Variants in SLC22A23 observed in about 807,000 individuals in gnomAD.
SLC22A23 encodes ion transporter protein.
SLC22A23 carries 26 observed loss-of-function variants against 61.0 expected under a neutral mutation model. That is an observed-to-expected ratio of 0.43 (90% CI 0.31 to 0.59). SLC22A23 has a LOEUF of 0.59. Among genes scored for constraint, SLC22A23 ranks in the 20% least tolerant of loss-of-function variants. The pLI, the probability that SLC22A23 is intolerant of heterozygous loss-of-function variation, is 0.11. For synonymous variants in SLC22A23, 430 were observed against 413.9 expected, an observed-to-expected ratio of 1.04 and a Z score of -0.47; for missense variants, 796 against 934.7, an observed-to-expected ratio of 0.85 and a Z score of 1.94.
intron 1 of SLC22A23, among the ~76,000 whole-genome samples, chr6:3,451,532 T>C (rs1226128903): frequency 6.6e-6 from 1 of 152,204 alleles, no homozygotes; most frequent in Non-Finnish European, 1.5e-5. Flanking sequence ...TGCAAGTCCA[T>C]GGAGTCTTTG....
At chr6:3,409,413 A>G (rs1258451328) in intron 3 of SLC22A23, among the ~76,000 whole-genome samples, 1 of 152,242 alleles carries the variant, frequency 6.6e-6, no homozygotes, top group African/African-American at 2.4e-5. Flanking sequence ...TCACACTGGA[A>G]ATTGCTACTT....
rs1759999601 is a variant in SLC22A23 at position 3,286,307 on chromosome 6, T to C, written c.1546+552A>G. On this transcript the variant is annotated intron_variant, in intron 7 of 9. Transcript: ENST00000406686. This position sits in a 1 kb window ranked among gnomAD's most constrained non-coding sequence, Gnocchi z 4.2. Reference sequence around the variant, plus strand: ...TAGTAGAGATGGGGTTTCACTACATTGGTCAGGCTGGTTTGAACTCCTGAC... The same window carrying C: ...TAGTAGAGATGGGGTTTCACTACATCGGTCAGGCTGGTTTGAACTCCTGAC... Among the ~76,000 whole-genome samples, 1 of 152,150 alleles carries C rather than the reference T, an allele frequency of 6.6e-6. No individual in the cohort carries two copies. Among genetic ancestry groups the C allele is most frequent in the South Asian group, 2.1e-4 (1 of 4,826 alleles).
At chr6:3,300,106 G>C (rs1003585754) in intron 4 of SLC22A23, among the ~76,000 whole-genome samples, 14 of 148,322 alleles carry the variant, frequency 9.4e-5, no homozygotes, top group African/African-American at 3.5e-4. Context: ...CACCTGCTGG[G>C]TTCAAGCGAT....
chr6:3,378,651 TTTTTTC>T (rs1472449532), intron 3 of SLC22A23, among the ~76,000 whole-genome samples: 26 of 73,846 alleles, frequency 3.5e-4, no homozygotes, highest in South Asian at 2.7e-3. Context: ...TTTTCTTTTC[TTTTTTC>T]TTTTTTTTTT....
At chr6:3,367,637 T>C (rs1294752846) in intron 3 of SLC22A23, among the ~76,000 whole-genome samples, 1 of 152,174 alleles carries the variant, frequency 6.6e-6, no homozygotes, top group African/African-American at 2.4e-5. Context: ...CTGAGGGACG[T>C]AAGTTAGGTT....
At position 3,297,026 on chromosome 6, in the gene SLC22A23, G is replaced by GT. The variant is rs1761167383; in HGVS notation, c.1210+1064dup. Among the ~76,000 whole-genome samples the GT allele has an allele frequency of 6.6e-6, 1 of 152,214 alleles. No individual in the cohort carries two copies. Among genetic ancestry groups the GT allele is most frequent in the Non-Finnish European group, 1.5e-5 (1 of 68,034 alleles). On this transcript the variant is annotated intron_variant, in intron 5 of 9. Transcript: ENST00000406686. The surrounding 1 kb of genome is among the most constrained non-coding windows in gnomAD (Gnocchi z 4.3). ...AGCTTCCGCAGCCACTCTGACTGTA[G>GT]TCCCTCCCTGCCACCCTCTATCCCA...
At chr6:3,428,228 C>A (rs1174243030) in intron 1 of SLC22A23, among the ~76,000 whole-genome samples, 1 of 152,230 alleles carries the variant, frequency 6.6e-6, no homozygotes, top group African/African-American at 2.4e-5. Flanking sequence ...CAAGTCGCGG[C>A]CCTCACCAGA....
rs2127352502 is a variant in SLC22A23 at position 3,297,038 on chromosome 6, C to CA, written c.1210+1052dup. ...CACTCTGACTGTAGTCCCTCCCTGCCACCCTCTATCCCACAGCCCTGCTGT... is the reference window on the plus strand; with the variant it reads ...CACTCTGACTGTAGTCCCTCCCTGCCAACCCTCTATCCCACAGCCCTGCTGT... On this transcript the variant is annotated intron_variant, in intron 5 of 9. Transcript: ENST00000406686. The surrounding 1 kb of genome is among the most constrained non-coding windows in gnomAD (Gnocchi z 4.3). Among the ~76,000 whole-genome samples the CA allele has an allele frequency of 6.6e-6, 1 of 152,346 alleles. No homozygotes were observed. The highest frequency in any genetic ancestry group is 2.1e-4 in the South Asian group (1 of 4,826).
rs764172735 is a variant in SLC22A23, at chr6:3,329,883, C to T, written c.914-5881G>A. ...AACTCACTGGCAGAGGGAGGTGAGACGGGCTCAGGAAAGGACAGCGTCTGC... is the reference window on the plus strand; with the variant it reads ...AACTCACTGGCAGAGGGAGGTGAGATGGGCTCAGGAAAGGACAGCGTCTGC... On this transcript the variant is annotated intron_variant, in intron 3 of 9. Coordinates refer to ENST00000406686, the MANE Select transcript of SLC22A23 (RefSeq NM_015482.2). The surrounding 1 kb of genome is among the most constrained non-coding windows in gnomAD (Gnocchi z 4.8). Among the ~76,000 whole-genome samples, 2 of 152,184 alleles carry T rather than the reference C, an allele frequency of 1.3e-5. No homozygotes were observed. Among genetic ancestry groups the T allele is most frequent in the Non-Finnish European group, 2.9e-5 (2 of 68,016 alleles).
rs550265812 is a variant in SLC22A23, at chr6:3,413,844, C to A, written c.758+1908G>T. On this transcript the variant is annotated intron_variant, in intron 2 of 9. Transcript: ENST00000406686. The stretch of plus-strand genomic sequence containing the variant: ...AGTTGGAAAATACCAAGCTTTCAAA[C>A]TGAAAGGGAAGGCCACTCAAAATGT... Among the ~76,000 whole-genome samples the A allele has an allele frequency of 2.9e-3, 446 of 152,320 alleles. 3 individuals are homozygous for A. The highest frequency in any genetic ancestry group is 5.3e-3 in the Non-Finnish European group (360 of 68,022).
At chr6:3,416,772 T>C (rs77485936) in intron 1 of SLC22A23, among the ~76,000 whole-genome samples, 149 of 152,330 alleles carry the variant, frequency 9.8e-4, no homozygotes, top group African/African-American at 3.4e-3. Flanking sequence ...GCAAAGCTTC[T>C]GGTCTGGACG....
chr6:3,285,811 G>A (rs1005038179), intron 7 of SLC22A23, among the ~76,000 whole-genome samples: 1 of 152,206 alleles, frequency 6.6e-6, no homozygotes, highest in African/African-American at 2.4e-5. Flanking sequence ...TCTGATCTGG[G>A]TGCGGTGGAC....
At chr6:3,401,830 G>GA (rs1768412695) in intron 3 of SLC22A23, among the ~76,000 whole-genome samples, 1 of 152,122 alleles carries the variant, frequency 6.6e-6, no homozygotes, top group Admixed American at 6.5e-5. Context: ...AGGACACGGG[G>GA]GCCTTGCTCC....
At chr6:3,426,349 GT>G (rs1770489764) in intron 1 of SLC22A23, among the ~76,000 whole-genome samples, 1 of 152,140 alleles carries the variant, frequency 6.6e-6, no homozygotes, top group Non-Finnish European at 1.5e-5. Context: ...TTCAGACAGG[GT>G]GACCTGATGC....
rs1758563149 is a variant in SLC22A23, at chr6:3,272,876, T to C, written c.*179A>G. On this transcript the variant is annotated 3_prime_UTR_variant, in exon 10 of 10. Transcript: ENST00000406686. Reference sequence around the variant, plus strand: ...CTTGAAAGGGTTATTTCCAAAGAGTTTGTCTCCTCCGACCCGCGCTCCTTG... The same window carrying C: ...CTTGAAAGGGTTATTTCCAAAGAGTCTGTCTCCTCCGACCCGCGCTCCTTG... 1.1e-5 allele frequency: 6 copies of C among 538,668 alleles called. No homozygotes were observed. Among genetic ancestry groups the C allele is most frequent in the Non-Finnish European group, 1.9e-5 (6 of 310,002 alleles). 33.4% of individuals were successfully genotyped at this position (538,668 alleles called of 1,614,324 possible).
At position 3,328,432 on chromosome 6, in the gene SLC22A23, C is replaced by T. The variant is rs117527256; in HGVS notation, c.914-4430G>A. ...TTCCCAGGGTAGACACTTTATGTGA[C>T]GGAGGAGGAAGGCCTGAGGGAGTGG... is the stretch of plus-strand genomic sequence containing the variant. On this transcript the variant is annotated intron_variant, in intron 3 of 9. Transcript: ENST00000406686. This position sits in a 1 kb window ranked among gnomAD's most constrained non-coding sequence, Gnocchi z 5.0. 4.2e-3 allele frequency among the ~76,000 whole-genome samples: 645 copies of T among 152,130 alleles called. 12 individuals are homozygous for T. Among genetic ancestry groups the T allele is most frequent in the Admixed American group, 0.028 (424 of 15,288 alleles).
chr6:3,433,967 T>A (rs1447602510), intron 1 of SLC22A23, among the ~76,000 whole-genome samples: 1 of 152,196 alleles, frequency 6.6e-6, no homozygotes, highest in African/African-American at 2.4e-5. Flanking sequence ...CCTACTAAGC[T>A]ATACACTTAA....
chr6:3,287,378 AAC>A (rs1241642254), intron 6 of SLC22A23, among the ~76,000 whole-genome samples: 3 of 152,230 alleles, frequency 2.0e-5, no homozygotes, highest in African/African-American at 4.8e-5. Context: ...CTTTTGTTAA[AAC>A]ACACACTTTC....
intron 4 of SLC22A23, among the ~76,000 whole-genome samples, chr6:3,310,416 C>T (rs1423835174): frequency 1.7e-5 from 2 of 115,428 alleles, no homozygotes; most frequent in African/African-American, 7.6e-5. Context: ...ACTCAAGCAC[C>T]CTGTCTCCCA....
Sources: gnomAD v4.1 joint callset for allele counts (sites outside exome capture counted in the v4.1 genomes callset) on GRCh38, gnomAD v4.1.1 for gene constraint, Gnocchi (gnomAD v3.1) non-coding constraint, MANE v1.5 for transcripts, NCBI Gene and HGNC (gene_info 2026-07-23, HGNC 2026-07-21) for gene names.